The following MCRS1 variants were observed in gnomAD, a reference collection of about 807,000 sequenced individuals.
MCRS1 encodes microspherule protein 1, also known as 58 kDa microspherule protein.
In MCRS1, 22 loss-of-function variants were observed where a neutral mutation model predicts 62.9. The ratio of observed to expected loss-of-function variants is 0.35; its 90% CI spans 0.25 to 0.50. The LOEUF is 0.50. Among genes scored for constraint, MCRS1 ranks in the 20% least tolerant of loss-of-function variants. The pLI is 0.98. For synonymous variants in MCRS1, 244 were observed against 233.5 expected (o/e 1.04, Z -0.41); for missense variants, 456 against 601.1 (o/e 0.76, Z 2.52).
At position 49,558,607 on chromosome 12, in the gene MCRS1, A is replaced by T. The variant is rs1189798385; in HGVS notation, c.*36T>A. ...AGGGGGCTGGAGTGGCAGGGGAAAC[A>T]GGCCGGAGAGGGCCCACGAGTCCTG... On this transcript the variant is annotated 3_prime_UTR_variant, in exon 15 of 15. Coordinates refer to ENST00000343810, the MANE Select transcript of MCRS1 (RefSeq NM_006337.5). 2 of 1,596,820 alleles carry T rather than the reference A, an allele frequency of 1.3e-6. No individual in the cohort carries two copies. The highest frequency in any genetic ancestry group is 2.7e-5 in the African/African-American group (2 of 74,610).
chr12:49,563,519 C>T lies in MCRS1; in HGVS notation c.585G>A (p.Leu195=). 1.2e-6 allele frequency: 2 copies of T among 1,611,258 alleles called. No homozygotes were observed. Among genetic ancestry groups the T allele is most frequent in the Non-Finnish European group, 8.5e-7 (1 of 1,179,208 alleles). The change falls in exon 7 of 15, where the codon CTG becomes CTA. Residue 195 remains leucine (L), a synonymous_variant. Coordinates refer to ENST00000343810, the MANE Select transcript of MCRS1 (RefSeq NM_006337.5). ...SKLACQAMRQ[L]HPEAIAAIQS... ...GGATGGCTGCAATAGCCTCTGGGTG[C>T]AGCTGCCTCATGGCCTGACAGGCCA...
intron 2 of MCRS1, chr12:49,566,480 G>T: frequency 6.4e-7 from 1 of 1,554,238 alleles, no homozygotes; most frequent in Non-Finnish European, 8.7e-7. Flanking sequence ...TGGTGATGCC[G>T]ACACGCTGGG....
intron 2 of MCRS1, 45 bp from the exon 3 acceptor site, chr12:49,566,260 A>G: frequency 6.3e-7 from 1 of 1,590,200 alleles, no homozygotes; most frequent in Non-Finnish European, 8.6e-7. Flanking sequence ...AAGATCCTAG[A>G]GCCTCTGCAA....
In MCRS1 at chr12:49,566,771, G is replaced by A; in HGVS notation, c.-40C>T. 1 of 1,610,606 alleles carries A rather than the reference G, an allele frequency of 6.2e-7. No homozygotes were observed. ...AAAGCCACTGGTTCCAAACCACCGG[G>A]CTAGGAGGAACGGTCCCACAGGCTC... On this transcript the variant is annotated 5_prime_UTR_variant, in exon 2 of 15. Transcript: ENST00000343810.
intron 8 of MCRS1, among the ~76,000 whole-genome samples, chr12:49,561,486 C>T (rs1938764969): frequency 6.6e-6 from 1 of 152,146 alleles, no homozygotes; most frequent in Non-Finnish European, 1.5e-5. Context: ...ATGTGTCCTG[C>T]CTATTCCTAG....
chr12:49,566,928 C>T, intron 1 of MCRS1, 87 bp from the exon 2 acceptor site: 1 of 676,848 alleles, frequency 1.5e-6, no homozygotes, highest in Non-Finnish European at 2.5e-6. Flanking sequence ...CCCCCAGGGT[C>T]CCATAAGCTA....
chr12:49,559,329 G>C lies in MCRS1; in HGVS notation c.1087-28C>G, dbSNP rs779065504. On this transcript the variant is annotated intron_variant, in intron 12 of 14. Transcript: ENST00000343810. The surrounding 1 kb of genome is among the most constrained non-coding windows in gnomAD (Gnocchi z 5.2). ...GGGGAAATGGGGCAGGTGAGGGCTGGGACCTGAAGAATTGGGGGAGTAGGT... is the reference window on the plus strand; with the variant it reads ...GGGGAAATGGGGCAGGTGAGGGCTGCGACCTGAAGAATTGGGGGAGTAGGT... The C allele has an allele frequency of 5.6e-6, 9 of 1,611,230 alleles. No individual in the cohort carries two copies. The highest frequency in any genetic ancestry group is 7.6e-6 in the Non-Finnish European group (9 of 1,177,528).
Position 49,564,732 on chromosome 12 carries a change from A to G in MCRS1, c.447+5T>C. 6.2e-7 allele frequency: 1 copy of G among 1,608,190 alleles called. No homozygotes were observed. Among genetic ancestry groups the G allele is most frequent in the Non-Finnish European group, 8.5e-7 (1 of 1,176,212 alleles). On this transcript the variant is annotated splice_donor_5th_base_variant and intron_variant, in intron 5 of 14. Transcript: ENST00000343810. Reference sequence around the variant, plus strand: ...GGCACACTGAGCCTATGGTGGGGGCACTACCTGCAACACAGCATTTATGAG... The same window carrying G: ...GGCACACTGAGCCTATGGTGGGGGCGCTACCTGCAACACAGCATTTATGAG...
rs375213855 is a variant in MCRS1 at position 49,564,561 on chromosome 12, G to A, written c.477C>T (p.Gly159=). The change falls in exon 6 of 15, where the codon GGC becomes GGT. Residue 159 remains glycine, a synonymous_variant. Transcript: ENST00000343810. The part of the protein sequence containing the change: ...QTNDLTSVHL[G]VKFSCRFTLR... ...GGGTGAAGCGGCAGCTGAATTTCACGCCCAGGTGGACGGAGGTCAGGTCGT... is the reference window on the plus strand; with the variant it reads ...GGGTGAAGCGGCAGCTGAATTTCACACCCAGGTGGACGGAGGTCAGGTCGT... 1.6e-5 allele frequency: 25 copies of A among 1,611,534 alleles called. No individual in the cohort carries two copies. The African/African-American group carries it at 2.8e-4, about 18-fold the overall frequency.
chr12:49,559,035 C>G lies in MCRS1; in HGVS notation c.1175-65G>C. 6.3e-7 allele frequency: 1 copy of G among 1,597,314 alleles called. No individual in the cohort carries two copies. ...AGGGATTGATGGGATGGGGAAAGGC[C>G]AGAGAGAGCCAGGAGCTTCCATGGA... On this transcript the variant is annotated intron_variant, in intron 13 of 14. Transcript: ENST00000343810. This position sits in a 1 kb window ranked among gnomAD's most constrained non-coding sequence, Gnocchi z 5.2.
Position 49,559,279 on chromosome 12 carries a change from T to C in MCRS1, c.1109A>G (p.Lys370Arg). 6.2e-7 allele frequency: 1 copy of C among 1,614,130 alleles called. No individual in the cohort carries two copies. The highest frequency in any genetic ancestry group is 8.5e-7 in the Non-Finnish European group (1 of 1,180,002). Residue 370 changes from lysine to arginine, a missense_variant, in exon 13 of 15, where the codon AAG (lysine) becomes AGG (arginine). Lys to Arg is a conservative substitution (Grantham distance 26, BLOSUM62 2). This residue lies in a region of MCRS1 where 393 missense variants were observed against 523.5 expected (regional missense o/e 0.75). Transcript: ENST00000343810. The surrounding 1 kb of genome is among the most constrained non-coding windows in gnomAD (Gnocchi z 5.2). ...SREITLGRAT[K>R]DNQIDVDLSL... ...CAGGTCCACATCAATCTGGTTATCC[T>C]TGGTTGCTCTGCCCAGGGTGATCTG...
rs546861483 is a variant in MCRS1 at position 49,568,102 on chromosome 12, G to C, written c.-165C>G. ...CTCCGCGGCGACGGTAGCAGCCGCA[G>C]GGCCAAAGCCGGCTTCCGTGAGGTA... On this transcript the variant is annotated 5_prime_UTR_variant, in exon 1 of 15. Coordinates refer to ENST00000343810, the MANE Select transcript of MCRS1 (RefSeq NM_006337.5). 1 of 152,388 alleles carries C rather than the reference G, an allele frequency of 6.6e-6. No homozygotes were observed. The highest frequency in any genetic ancestry group is 1.9e-4 in the East Asian group (1 of 5,186). 9.4% of individuals were successfully genotyped at this position (152,388 alleles called of 1,614,324 possible). A position where few individuals can be genotyped will look rare whatever the true frequency, so the allele number is the denominator to read the frequency against.
intron 4 of MCRS1, 45 bp downstream of exon 4, chr12:49,565,484 A>G: frequency 6.5e-7 from 1 of 1,545,554 alleles, no homozygotes; most frequent in South Asian, 1.3e-5. Context: ...GGGAAACATG[A>G]AATCTGGCAC....
rs759652199 is a variant in MCRS1, at chr12:49,564,618, A to G, written c.448-28T>C. On this transcript the variant is annotated intron_variant, in intron 5 of 14. Transcript: ENST00000343810. ...GCAAGGCCCCAGAAGGATTTGCTCCAGCCTTGGAGCTGGGAACAACCCTTC... is the reference window on the plus strand; with the variant it reads ...GCAAGGCCCCAGAAGGATTTGCTCCGGCCTTGGAGCTGGGAACAACCCTTC... 1.2e-5 allele frequency: 20 copies of G among 1,609,302 alleles called. No individual in the cohort carries two copies. The Admixed American group carries it at 3.4e-4, about 27-fold the overall frequency.
Position 49,560,315 on chromosome 12 carries a change from C to T in MCRS1, c.861G>A (p.Leu287=), listed in dbSNP as rs1412215961. The part of the protein sequence containing the change: ...QVLNFSDAED[L]IDDSKLKDMR... ...CTCACTTGAGCTTACTGTCATCAAT[C>T]AGGTCCTCTGCATCAGAGAAGTTCA... The change falls in exon 9 of 15, where the codon CTG becomes CTA. Residue 287 remains leucine (L), a synonymous_variant. Transcript: ENST00000343810. 12 of 1,614,146 alleles carry T rather than the reference C, an allele frequency of 7.4e-6. No homozygotes were observed. Among genetic ancestry groups the T allele is most frequent in the Non-Finnish European group, 1.0e-5 (12 of 1,180,042 alleles).
At chr12:49,566,403 T>A in intron 2 of MCRS1, 188 bp from the exon 3 acceptor site, 1 of 1,576,492 alleles carries the variant, frequency 6.3e-7, no homozygotes, top group South Asian at 1.2e-5. Context: ...GGCCCAGACC[T>A]TCCACGCTGG....
intron 1 of MCRS1, 80 bp from the exon 2 acceptor site, chr12:49,566,921 C>T: frequency 1.4e-6 from 1 of 704,734 alleles, no homozygotes; most frequent in Non-Finnish European, 2.4e-6. Flanking sequence ...CTCAGGTCCC[C>T]CAGGGTCCCA....
At chr12:49,560,501 T>TAATCTGGTATGGGC in intron 8 of MCRS1, 131 bp from the exon 9 acceptor site, 1 of 775,314 alleles carries the variant, frequency 1.3e-6, no homozygotes, top group Non-Finnish European at 2.3e-6. Flanking sequence ...AGGGTGCCCA[T>TAATCTGGTATGGGC]ACCAGATTAG....
At position 49,558,394 on chromosome 12, in the gene MCRS1, T is replaced by TG. The variant is rs1938563480; in HGVS notation, c.*248dup. 1.3e-5 allele frequency: 7 copies of TG among 518,520 alleles called. No individual in the cohort carries two copies. Among genetic ancestry groups the TG allele is most frequent in the Non-Finnish European group, 2.0e-5 (6 of 295,122 alleles). 32.1% of individuals were successfully genotyped at this position (518,520 alleles called of 1,614,324 possible). Reference sequence around the variant, plus strand: ...GGAGACACAGGAGTGAAGGTGGCAATGGGGGGTAGGGTTGTTTTTAGAGAG... The same window carrying TG: ...GGAGACACAGGAGTGAAGGTGGCAATGGGGGGGTAGGGTTGTTTTTAGAGAG... On this transcript the variant is annotated 3_prime_UTR_variant, in exon 15 of 15. Transcript: ENST00000343810.
Sources: gnomAD v4.1 joint callset for allele counts (sites outside exome capture counted in the v4.1 genomes callset) on GRCh38, gnomAD v4.1.1 for gene constraint, gnomAD v4.1.1 regional missense constraint, Gnocchi (gnomAD v3.1) non-coding constraint, MANE v1.5 for transcripts, NCBI Gene and HGNC (gene_info 2026-07-23, HGNC 2026-07-21) for gene names.